BORCS5: variants seen among roughly 807,000 people sequenced by gnomAD.
The protein encoded by BORCS5 is BLOC-1 related complex subunit 5.
BORCS5 carries 17 observed loss-of-function variants against 22.1 expected under a neutral mutation model. That is an observed-to-expected ratio of 0.77 (90% confidence interval 0.53 to 1.15). The LOEUF is 1.15. Ranked by LOEUF, BORCS5 falls within the 50% of genes most tolerant of loss-of-function variation. BORCS5 has a pLI of 0.00. For synonymous variants in BORCS5, 117 were observed against 99.8 expected, an observed-to-expected ratio of 1.17 and a Z score of -1.03; for missense variants, 247 against 253.2, an observed-to-expected ratio of 0.98 and a Z score of 0.17.
At chr12:12,357,630 T>C in intron 1 of BORCS5, 121 bp downstream of exon 1, 1 of 1,055,720 alleles carries the variant, frequency 9.5e-7, no homozygotes, top group African/African-American at 1.7e-5. Context: ...TTCACCGTGC[T>C]AGTAGGAAAA....
chr12:12,414,699 A>C (rs1439357433), intron 2 of BORCS5, among the ~76,000 whole-genome samples: 26 of 101,454 alleles, frequency 2.6e-4, no homozygotes, highest in South Asian at 5.4e-4. Flanking sequence ...GACCCCCCCC[A>C]CCTCCCTCCC....
rs569137932 is a variant in BORCS5, at chr12:12,418,565, T to C, written c.203-17063T>C. On this transcript the variant is annotated intron_variant, in intron 2 of 3. Transcript: ENST00000314565. ...AGCCAGGTGTGATAGCGCATGTCTG[T>C]AGTCCCAGCTACTTGGGAGTCTAAG... Among the ~76,000 whole-genome samples the C allele has an allele frequency of 6.6e-4, 101 of 152,292 alleles. 2 individuals carry two copies. In the South Asian group the frequency reaches 0.021, roughly 31 times the overall value.
chr12:12,364,735 G>C (rs887408367), intron 2 of BORCS5, among the ~76,000 whole-genome samples: 1 of 152,248 alleles, frequency 6.6e-6, no homozygotes, highest in South Asian at 2.1e-4. Flanking sequence ...GGAAGGCCAA[G>C]GCGGTTGGAT....
rs1435024203 is a variant in BORCS5 at position 12,357,117 on chromosome 12, C to A, written c.-335C>A. On this transcript the variant is annotated 5_prime_UTR_variant, in exon 1 of 4. Transcript: ENST00000314565. ...AGGAGCGAGCTTGCGGAGCGTGAAC[C>A]AGTGAGTGAAAGCGGCGCCGCCCGC... The A allele has an allele frequency of 1.3e-6, 2 of 1,534,648 alleles. No homozygotes were observed. The highest frequency in any genetic ancestry group is 2.4e-5 in the East Asian group (1 of 40,870).
chr12:12,430,107 A>G (rs944074810), intron 2 of BORCS5, among the ~76,000 whole-genome samples: 4 of 151,462 alleles, frequency 2.6e-5, no homozygotes, highest in South Asian at 2.1e-4. Context: ...CCTGTCTTCA[A>G]CCAGCTCACC....
rs7316487 is a variant in BORCS5, at chr12:12,366,661, T to C, written c.202+5312T>C. On this transcript the variant is annotated intron_variant, in intron 2 of 3. Coordinates refer to ENST00000314565, the MANE Select transcript of BORCS5 (RefSeq NM_058169.6). ...GATTCCAAGAAGTTAACAAACCCTG[T>C]ATAGATTTCTTACTTGAAATTCAAC... Among the ~76,000 whole-genome samples the C allele has an allele frequency of 8.3e-3, 1,257 of 152,328 alleles. 24 individuals carry two copies. Among genetic ancestry groups the C allele is most frequent in the African/African-American group, 0.029 (1,187 of 41,578 alleles).
chr12:12,461,715 G>A (rs548316905), intron 3 of BORCS5, among the ~76,000 whole-genome samples: 10 of 152,238 alleles, frequency 6.6e-5, no homozygotes, highest in Non-Finnish European at 1.3e-4. Context: ...GAGTGGAGGA[G>A]GGGACAGTGA....
At chr12:12,444,081 C>T (rs927079258) in intron 3 of BORCS5, among the ~76,000 whole-genome samples, 6 of 152,224 alleles carry the variant, frequency 3.9e-5, no homozygotes, top group Admixed American at 3.3e-4. Flanking sequence ...AACATTGCTG[C>T]AGTGCCTAGA....
At chr12:12,390,578 G>C (rs985931273) in intron 2 of BORCS5, among the ~76,000 whole-genome samples, 4 of 151,640 alleles carry the variant, frequency 2.6e-5, no homozygotes, top group Non-Finnish European at 2.9e-5. Context: ...CCTGAGGCCA[G>C]GAATTTGAGA....
intron 2 of BORCS5, among the ~76,000 whole-genome samples, chr12:12,386,917 G>A (rs1863896433): frequency 6.6e-6 from 1 of 150,706 alleles, no homozygotes; most frequent in Non-Finnish European, 1.5e-5. Flanking sequence ...TTTCTAGAGT[G>A]CAGTGGCACA....
At chr12:12,407,826 C>T (rs1592094920) in intron 2 of BORCS5, among the ~76,000 whole-genome samples, 1 of 151,900 alleles carries the variant, frequency 6.6e-6, no homozygotes, top group East Asian at 1.9e-4. Context: ...CCTCCCGCCT[C>T]AGCCTCCTGA....
chr12:12,368,981 C>T (rs546080756), intron 2 of BORCS5, among the ~76,000 whole-genome samples: 1 of 152,160 alleles, frequency 6.6e-6, no homozygotes, highest in South Asian at 2.1e-4. Flanking sequence ...ATGTTCAAAT[C>T]TTGTGTGTGC....
intron 2 of BORCS5, 63 bp downstream of exon 2, chr12:12,361,412 T>G: frequency 1.9e-6 from 3 of 1,562,782 alleles, no homozygotes; most frequent in Non-Finnish European, 2.6e-6. Flanking sequence ...CCTACTACTT[T>G]CCCTCTACTT....
At chr12:12,420,489 G>C (rs1024052239) in intron 2 of BORCS5, among the ~76,000 whole-genome samples, 2 of 152,116 alleles carry the variant, frequency 1.3e-5, no homozygotes, top group African/African-American at 4.8e-5. Flanking sequence ...GATGCCTCCA[G>C]CTTTGTTCTT....
Position 12,361,323 on chromosome 12 carries a change from T to C in BORCS5, c.176T>C (p.Ile59Thr). 1 of 1,614,144 alleles carries C rather than the reference T, an allele frequency of 6.2e-7. No homozygotes were observed. The highest frequency in any genetic ancestry group is 1.1e-5 in the South Asian group (1 of 91,086). The change falls in exon 2 of 4, where the codon ATT (isoleucine) becomes ACT (threonine). Residue 59 changes from isoleucine (I) to threonine (T), a missense_variant. By Grantham distance (89) the Ile-to-Thr change is moderately conservative. Coordinates refer to ENST00000314565, the MANE Select transcript of BORCS5 (RefSeq NM_058169.6). ...NDPDVIKLQE[I>T]PTFQPLLKGL... is the part of the protein sequence containing the mutation. The stretch of plus-strand genomic sequence containing the variant: ...CCCGATGTCATCAAGTTGCAAGAGA[T>C]TCCAACCTTCCAGCCCCTTTTGAAA...
intron 3 of BORCS5, among the ~76,000 whole-genome samples, chr12:12,444,478 C>T (rs563608810): frequency 9.9e-5 from 15 of 152,284 alleles, no homozygotes; most frequent in East Asian, 1.9e-4. Flanking sequence ...GAGGTTCTTA[C>T]GGGCCAAACC....
chr12:12,388,744 A>G (rs1435707371), intron 2 of BORCS5, among the ~76,000 whole-genome samples: 1 of 151,020 alleles, frequency 6.6e-6, no homozygotes, highest in Non-Finnish European at 1.5e-5. Context: ...TTGGGGCCAG[A>G]TAGACTATCT....
In BORCS5 at chr12:12,382,926, A is replaced by G. The variant is rs967339186; in HGVS notation, c.202+21577A>G. On this transcript the variant is annotated intron_variant, in intron 2 of 3. Coordinates refer to ENST00000314565, the MANE Select transcript of BORCS5 (RefSeq NM_058169.6). Reference sequence around the variant, plus strand: ...GTAAATAGCATATAGTTGGATCTTGATGTTTCATCCAGTCTGACATTCTCT... The same window carrying G: ...GTAAATAGCATATAGTTGGATCTTGGTGTTTCATCCAGTCTGACATTCTCT... Among the ~76,000 whole-genome samples, 6 of 151,328 alleles carry G rather than the reference A, an allele frequency of 4.0e-5. No individual in the cohort carries two copies. The East Asian group carries it at 1.2e-3, about 29-fold the overall frequency.
intron 2 of BORCS5, among the ~76,000 whole-genome samples, chr12:12,431,403 CTT>C (rs386375632): frequency 2.5e-5 from 3 of 121,086 alleles, no homozygotes; most frequent in Non-Finnish European, 3.3e-5. Context: ...TTTGCTAATT[CTT>C]TTTTTTTTTT....
Sources: gnomAD v4.1 joint callset for allele counts (sites outside exome capture counted in the v4.1 genomes callset) on GRCh38, gnomAD v4.1.1 for gene constraint, MANE v1.5 for transcripts, NCBI Gene and HGNC (gene_info 2026-07-23, HGNC 2026-07-21) for gene names.